ANO2: variants seen among roughly 807,000 people sequenced by gnomAD.
ANO2 encodes anoctamin-2.
A neutral mutation model predicts 124.2 loss-of-function variants in ANO2; 101 were observed. That is an observed-to-expected ratio of 0.81 (90% CI 0.69 to 0.96). The LOEUF (loss-of-function observed/expected upper bound fraction) is 0.96, where lower values mean the gene tolerates loss of function less well. ANO2 is among the 40% of genes least tolerant of loss of function. The pLI is 0.00. For missense variants in ANO2, 1,293 were observed against 1,274.5 expected (o/e 1.01, Z -0.22); for synonymous variants, 486 against 482.5 (o/e 1.01, Z -0.09).
intron 14 of ANO2, among the ~76,000 whole-genome samples, chr12:5,720,161 AAGG>A (rs1950167849): frequency 6.6e-6 from 1 of 152,142 alleles, no homozygotes; most frequent in Non-Finnish European, 1.5e-5. Context: ...GTGGATGGAG[AAGG>A]AGGTTTTTGC....
intron 4 of ANO2, among the ~76,000 whole-genome samples, chr12:5,847,372 T>C (rs552349468): frequency 2.3e-4 from 35 of 152,258 alleles, no homozygotes; most frequent in African/African-American, 7.2e-4. Context: ...CTCCTGGGTC[T>C]CCATCGCATG....
At chr12:5,893,513 T>C (rs1373612895) in intron 3 of ANO2, among the ~76,000 whole-genome samples, 1 of 151,736 alleles carries the variant, frequency 6.6e-6, no homozygotes, top group Non-Finnish European at 1.5e-5. Flanking sequence ...AATTATACTT[T>C]AAGTTCTGGG....
intron 19 of ANO2, among the ~76,000 whole-genome samples, chr12:5,600,981 A>C (rs1943912166): frequency 1.3e-5 from 2 of 152,186 alleles, no homozygotes; most frequent in South Asian, 4.1e-4. Flanking sequence ...TAATGTTTTG[A>C]TCAGTTTCTG....
At chr12:5,739,885 T>C (rs773066280) in intron 12 of ANO2, 12 of 456,150 alleles carry the variant, frequency 2.6e-5, no homozygotes, top group South Asian at 1.5e-4. Flanking sequence ...TGAGGTTACA[T>C]AACAGTCTCC....
At chr12:5,744,365 C>T (rs762997701) in intron 11 of ANO2, 48 bp from the exon 12 acceptor site, 1 of 1,603,170 alleles carries the variant, frequency 6.2e-7, no homozygotes, top group Non-Finnish European at 8.5e-7. Flanking sequence ...AAGCATGGTC[C>T]ACTCCAAGAA....
At chr12:5,885,063 C>T (rs1402712121) in intron 3 of ANO2, among the ~76,000 whole-genome samples, 1 of 152,214 alleles carries the variant, frequency 6.6e-6, no homozygotes, top group African/African-American at 2.4e-5. Context: ...ATTAATATTC[C>T]TATTCCGTGG....
intron 1 of ANO2, among the ~76,000 whole-genome samples, chr12:5,944,298 G>T (rs1001476100): frequency 2.2e-4 from 33 of 152,316 alleles, no homozygotes; most frequent in African/African-American, 7.9e-4. Flanking sequence ...CCTGCCACCT[G>T]CCTTTGGGCT....
At chr12:5,829,788 T>C (rs760415527) in intron 6 of ANO2, among the ~76,000 whole-genome samples, 2 of 152,210 alleles carry the variant, frequency 1.3e-5, no homozygotes, top group African/African-American at 2.4e-5. Flanking sequence ...ACAGGCCATA[T>C]GCAGATTTTT....
intron 2 of ANO2, among the ~76,000 whole-genome samples, chr12:5,922,128 CCA>C (rs1172011233): frequency 2.6e-5 from 4 of 152,116 alleles, no homozygotes; most frequent in Admixed American, 1.3e-4. Context: ...GTCTTCCACT[CCA>C]GAGGTGGGGA....
At chr12:5,604,066 G>A (rs570447201) in intron 19 of ANO2, among the ~76,000 whole-genome samples, 4 of 152,154 alleles carry the variant, frequency 2.6e-5, no homozygotes, top group Admixed American at 6.5e-5. Context: ...GATTATGGTA[G>A]CAGAGTCTGG....
rs1950569250 is a variant in ANO2 at position 5,729,852 on chromosome 12, T to C, written c.1545+2668A>G. On this transcript the variant is annotated intron_variant, in intron 14 of 24. Transcript: ENST00000682330. ...TATAAAAGAACGAAGTACTGATATA[T>C]GCTACAATATGAATGAATCCTAAAA... Among the ~76,000 whole-genome samples the C allele has an allele frequency of 3.9e-5, 6 of 152,326 alleles. No homozygotes were observed. The South Asian group carries it at 1.2e-3, about 32-fold the overall frequency.
At chr12:5,931,077 C>A (rs536622237) in intron 1 of ANO2, among the ~76,000 whole-genome samples, 1 of 152,310 alleles carries the variant, frequency 6.6e-6, no homozygotes, top group African/African-American at 2.4e-5. Context: ...GCTCACACCA[C>A]AGCTACTATT....
Position 5,827,822 on chromosome 12 carries a change from TAA to T in ANO2, c.841-4_841-3del, listed in dbSNP as rs1443372347. The T allele has an allele frequency of 6.2e-7, 1 of 1,610,044 alleles. No homozygotes were observed. The highest frequency in any genetic ancestry group is 8.5e-7 in the Non-Finnish European group (1 of 1,178,426). On this transcript the variant is annotated splice_polypyrimidine_tract_variant and splice_region_variant and intron_variant, in intron 6 of 24. Coordinates refer to ENST00000682330, the MANE Select transcript of ANO2 (RefSeq NM_001364791.2). ...TGTGCGCTTCAGGATCTCGTGCACCTAAAAGGGGACGACAGCAGAGCTGTGAG... is the reference window on the plus strand; with the variant it reads ...TGTGCGCTTCAGGATCTCGTGCACCTAAGGGGACGACAGCAGAGCTGTGAG...
Position 5,912,599 on chromosome 12 carries a change from C to T in ANO2, c.534+8441G>A, listed in dbSNP as rs572914139. Among the ~76,000 whole-genome samples the T allele has an allele frequency of 7.7e-3, 1,170 of 152,316 alleles. 14 individuals carry two copies. Among genetic ancestry groups the T allele is most frequent in the African/African-American group, 0.026 (1,084 of 41,554 alleles). ...CTGTGCATCCCCACCCCAGGCTGCC[C>T]GGAGGCGTCCCCTCTGAGATCAAAT... On this transcript the variant is annotated intron_variant, in intron 3 of 24. Transcript: ENST00000682330.
At chr12:5,762,832 G>GA (rs35252246) in intron 10 of ANO2, among the ~76,000 whole-genome samples, 42,842 of 151,668 alleles carry the variant, frequency 0.28, 6,582 homozygotes, top group African/African-American at 0.41. Context: ...AAGAGATAGC[G>GA]AAAATTTTTT....
Position 5,579,579 on chromosome 12 carries a change from T to C in ANO2, c.2234-1061A>G, listed in dbSNP as rs150870295. 1.2e-4 allele frequency among the ~76,000 whole-genome samples: 19 copies of C among 152,266 alleles called. No homozygotes were observed. In the East Asian group the frequency reaches 3.7e-3, roughly 29 times the overall value. ...CTGACGGGGTTTCTTGTCACCATTC[T>C]CCCAGGATGCTAGAGTCTATCCAGC... On this transcript the variant is annotated intron_variant, in intron 20 of 24. Transcript: ENST00000682330.
intron 19 of ANO2, among the ~76,000 whole-genome samples, chr12:5,610,072 T>C (rs932483755): frequency 1.5e-5 from 2 of 135,338 alleles, no homozygotes; most frequent in Non-Finnish European, 3.1e-5. Context: ...ATTTATGTTA[T>C]ATATAATATA....
At chr12:5,571,090 G>C (rs1199875101) in intron 23 of ANO2, among the ~76,000 whole-genome samples, 2 of 152,154 alleles carry the variant, frequency 1.3e-5, no homozygotes, top group African/African-American at 4.8e-5. Flanking sequence ...GGAAAACCTG[G>C]CAGAAGCCAT....
rs1174045107 is a variant in ANO2, at chr12:5,908,655, T to G, written c.534+12385A>C. On this transcript the variant is annotated intron_variant, in intron 3 of 24. Transcript: ENST00000682330. This position sits in a 1 kb window ranked among gnomAD's most constrained non-coding sequence, Gnocchi z 4.7. ...ATTTCCATGAATCATCATGGAACCC[T>G]CTGACTTTAGCTAAGCTCCTGGGCA... is the stretch of plus-strand genomic sequence containing the variant. Among the ~76,000 whole-genome samples, 1 of 152,144 alleles carries G rather than the reference T, an allele frequency of 6.6e-6. No homozygotes were observed.
Sources: gnomAD v4.1 joint callset for allele counts (sites outside exome capture counted in the v4.1 genomes callset) on GRCh38, gnomAD v4.1.1 for gene constraint, Gnocchi (gnomAD v3.1) non-coding constraint, MANE v1.5 for transcripts, NCBI Gene and HGNC (gene_info 2026-07-23, HGNC 2026-07-21) for gene names.